The following CNTN4 variants were observed in gnomAD, a reference collection of about 807,000 sequenced individuals.
CNTN4 encodes contactin-4.
A neutral mutation model predicts 122.5 loss-of-function variants in CNTN4; 77 were observed. That is an observed-to-expected ratio of 0.63 (90% CI 0.52 to 0.76). The LOEUF is 0.76. Among genes scored for constraint, CNTN4 ranks in the 30% least tolerant of loss-of-function variants. CNTN4 has a pLI of 0.00. For synonymous variants in CNTN4, 512 were observed against 447.0 expected (o/e 1.15, Z -1.83); for missense variants, 1,256 against 1,259.1 (o/e 1.00, Z 0.04).
chr3:2,882,182 G>A (rs2093919066), intron 8 of CNTN4, among the ~76,000 whole-genome samples: 1 of 152,080 alleles, frequency 6.6e-6, no homozygotes, highest in Non-Finnish European at 1.5e-5. Context: ...GGCCAACATG[G>A]TGAAACCCCG....
chr3:2,427,983 T>C (rs2047906963), intron 3 of CNTN4, among the ~76,000 whole-genome samples: 1 of 151,936 alleles, frequency 6.6e-6, no homozygotes, highest in Non-Finnish European at 1.5e-5. Context: ...GTGAGATGGG[T>C]GTCCTAAATA....
chr3:2,262,118 A>G (rs917187684), intron 2 of CNTN4, among the ~76,000 whole-genome samples: 2 of 152,090 alleles, frequency 1.3e-5, no homozygotes, highest in African/African-American at 4.8e-5. Flanking sequence ...ATATATTTCT[A>G]AACCCTTCTG....
At chr3:2,990,132 C>T (rs1161996975) in intron 14 of CNTN4, among the ~76,000 whole-genome samples, 1 of 152,114 alleles carries the variant, frequency 6.6e-6, no homozygotes, top group African/African-American at 2.4e-5. Flanking sequence ...AGTGTGGTGC[C>T]TGGCACCTAG....
intron 3 of CNTN4, among the ~76,000 whole-genome samples, chr3:2,452,629 T>C (rs796691712): frequency 1.9e-4 from 29 of 152,318 alleles, no homozygotes; most frequent in African/African-American, 6.7e-4. Flanking sequence ...GCTGTATTTT[T>C]TGCTGAATTG....
intron 4 of CNTN4, among the ~76,000 whole-genome samples, chr3:2,610,258 TAAG>T (rs2081424596): frequency 6.6e-6 from 1 of 152,204 alleles, no homozygotes; most frequent in African/African-American, 2.4e-5. Context: ...AATCTCCTCT[TAAG>T]AAAAAACTCA....
At chr3:2,557,310 A>G (rs999519128) in intron 3 of CNTN4, among the ~76,000 whole-genome samples, 2 of 152,370 alleles carry the variant, frequency 1.3e-5, no homozygotes, top group Non-Finnish European at 2.9e-5. Flanking sequence ...TTCTTTACAT[A>G]GATCTCACAT....
intron 6 of CNTN4, among the ~76,000 whole-genome samples, chr3:2,800,479 A>G (rs1362246641): frequency 6.6e-6 from 1 of 152,222 alleles, no homozygotes; most frequent in East Asian, 1.9e-4. Flanking sequence ...GTAATTGTCC[A>G]CATCTTCCTA....
chr3:2,689,285 G>A (rs955184704), intron 4 of CNTN4, among the ~76,000 whole-genome samples: 1 of 152,254 alleles, frequency 6.6e-6, no homozygotes, highest in Non-Finnish European at 1.5e-5. Context: ...CACATCCCAA[G>A]TGGTTCCTTG....
At chr3:3,029,972 G>A (rs1055078184) in intron 15 of CNTN4, among the ~76,000 whole-genome samples, 2 of 152,076 alleles carry the variant, frequency 1.3e-5, no homozygotes, top group African/African-American at 2.4e-5. Context: ...AATGAAGGAG[G>A]GCCAATATAC....
intron 4 of CNTN4, among the ~76,000 whole-genome samples, chr3:2,732,605 C>T (rs1311853658): frequency 6.6e-6 from 1 of 152,080 alleles, no homozygotes; most frequent in Non-Finnish European, 1.5e-5. Context: ...TTTGTGGCTG[C>T]CACACAGAGA....
intron 13 of CNTN4, among the ~76,000 whole-genome samples, chr3:2,954,344 A>G (rs1348350139): frequency 6.6e-6 from 1 of 152,188 alleles, no homozygotes. Flanking sequence ...TCCAGTGCCC[A>G]TTGGGAACTT....
At chr3:2,127,718 C>G (rs936428379) in intron 2 of CNTN4, among the ~76,000 whole-genome samples, 1 of 152,136 alleles carries the variant, frequency 6.6e-6, no homozygotes, top group African/African-American at 2.4e-5. Flanking sequence ...ACCAAGAATT[C>G]TTGCACCTAT....
At chr3:2,390,213 A>AGTGT (rs1553639069) in intron 3 of CNTN4, among the ~76,000 whole-genome samples, 10 of 113,550 alleles carry the variant, frequency 8.8e-5, no homozygotes, top group Non-Finnish European at 1.4e-4. Context: ...TTAGGAAAAA[A>AGTGT]GAGTGTGTGT....
rs2079604897 is a variant in CNTN4 at position 2,575,178 on chromosome 3, C to G, written c.55+3620C>G. ...AATATGTTAAATTATCATATGTATC[C>G]CCAAAATATGTACATCTATTGTATA... On this transcript the variant is annotated intron_variant, in intron 4 of 24. Coordinates refer to ENST00000418658, the MANE Select transcript of CNTN4 (RefSeq NM_175607.3). Among the ~76,000 whole-genome samples, 9 of 151,544 alleles carry G rather than the reference C, an allele frequency of 5.9e-5. No homozygotes were observed. The South Asian group carries it at 1.9e-3, about 32-fold the overall frequency.
intron 6 of CNTN4, among the ~76,000 whole-genome samples, chr3:2,782,151 CTG>C (rs1487705457): frequency 6.6e-6 from 1 of 151,948 alleles, no homozygotes; most frequent in Non-Finnish European, 1.5e-5. Flanking sequence ...AGACTGAAGT[CTG>C]TGTTGATGTT....
chr3:2,965,426 C>T (rs540093581), intron 13 of CNTN4, among the ~76,000 whole-genome samples: 7 of 152,244 alleles, frequency 4.6e-5, no homozygotes, highest in South Asian at 4.1e-4. Context: ...AGCCACTTGC[C>T]GTATGTGGGT....
intron 6 of CNTN4, among the ~76,000 whole-genome samples, chr3:2,771,534 T>C (rs779744828): frequency 2.6e-5 from 4 of 152,170 alleles, no homozygotes; most frequent in Non-Finnish European, 4.4e-5. Flanking sequence ...TCATTCTCTG[T>C]ATAATGGGGA....
intron 3 of CNTN4, among the ~76,000 whole-genome samples, chr3:2,521,816 T>C (rs2077228678): frequency 6.6e-6 from 1 of 152,112 alleles, no homozygotes; most frequent in South Asian, 2.1e-4. Context: ...ACAGAGTAGA[T>C]GACAGCTTTG....
chr3:2,814,898 A>T (rs1231863637), intron 6 of CNTN4, among the ~76,000 whole-genome samples: 1 of 152,228 alleles, frequency 6.6e-6, no homozygotes, highest in Non-Finnish European at 1.5e-5. Context: ...GCCACATGGT[A>T]TGACTGCAAT....
Sources: allele counts gnomAD v4.1 joint callset (sites outside exome capture counted in the v4.1 genomes callset), GRCh38; gene constraint gnomAD v4.1.1; transcripts MANE v1.5; gene names NCBI Gene and HGNC (gene_info 2026-07-23, HGNC 2026-07-21).